Variants in TMEM117 observed in about 807,000 individuals in gnomAD.
TMEM117 encodes transmembrane protein 117.
TMEM117 carries 27 observed loss-of-function variants against 52.4 expected under a neutral mutation model. The ratio of observed to expected loss-of-function variants is 0.51; its 90% CI spans 0.38 to 0.71. The LOEUF (loss-of-function observed/expected upper bound fraction) is 0.71, where lower values mean the gene tolerates loss of function less well. Among genes scored for constraint, TMEM117 ranks in the 30% least tolerant of loss-of-function variants. TMEM117 has a pLI of 0.00. For synonymous variants in TMEM117, 215 were observed against 206.3 expected, an observed-to-expected ratio of 1.04 and a Z score of -0.36; for missense variants, 556 against 630.5, an observed-to-expected ratio of 0.88 and a Z score of 1.26.
intron 3 of TMEM117, chr12:44,010,106 T>C: frequency 2.1e-6 from 1 of 481,516 alleles, no homozygotes; most frequent in Non-Finnish European, 4.2e-6. Context: ...CATCTGGGGG[T>C]TCAAGTATGC....
intron 3 of TMEM117, among the ~76,000 whole-genome samples, chr12:43,955,641 A>G (rs1945294329): frequency 6.6e-6 from 1 of 152,228 alleles, no homozygotes; most frequent in African/African-American, 2.4e-5. Flanking sequence ...ATCAGAAAGG[A>G]CACAGGCAGA....
chr12:43,909,611 A>G (rs1227979268), intron 2 of TMEM117, among the ~76,000 whole-genome samples: 1 of 151,640 alleles, frequency 6.6e-6, no homozygotes, highest in Non-Finnish European at 1.5e-5. Flanking sequence ...CAAGACTAAT[A>G]AAGAAAAAAA....
intron 3 of TMEM117, among the ~76,000 whole-genome samples, chr12:44,087,251 G>T (rs776316848): frequency 1.3e-5 from 2 of 151,698 alleles, no homozygotes; most frequent in Non-Finnish European, 2.9e-5. Context: ...ATCAATATTC[G>T]TATTGCCCTA....
At chr12:44,311,655 A>G (rs1950976715) in intron 6 of TMEM117, among the ~76,000 whole-genome samples, 1 of 150,578 alleles carries the variant, frequency 6.6e-6, no homozygotes, top group African/African-American at 2.4e-5. Flanking sequence ...TTGCTGTATT[A>G]TACATAATGT....
At chr12:44,323,165 GCCTCCAGAAGGAAC>G (rs1951154336) in intron 6 of TMEM117, among the ~76,000 whole-genome samples, 1 of 152,152 alleles carries the variant, frequency 6.6e-6, no homozygotes, top group African/African-American at 2.4e-5. Context: ...CTTCCTTAGA[GCCTCCAGAAGGAAC>G]ACAGCCCTGT....
chr12:44,233,250 C>A (rs984853889), intron 5 of TMEM117, among the ~76,000 whole-genome samples: 1 of 151,264 alleles, frequency 6.6e-6, no homozygotes, highest in African/African-American at 2.4e-5. Flanking sequence ...CCTTTATCAG[C>A]TTAATGTTGT....
Position 44,168,252 on chromosome 12 carries a change from C to CA in TMEM117, c.510+24641dup, listed in dbSNP as rs111854378. On this transcript the variant is annotated intron_variant, in intron 4 of 7. Coordinates refer to ENST00000266534, the MANE Select transcript of TMEM117 (RefSeq NM_032256.3). The stretch of plus-strand genomic sequence containing the variant: ...TGAGCAACAGAGTGAGACCCCATCT[C>CA]AAAAAAAAAAAAAGAGAAAAATCCT... Among the ~76,000 whole-genome samples the CA allele has an allele frequency of 1.4e-3, 187 of 133,928 alleles. 1 individual carries two copies. The highest frequency in any genetic ancestry group is 0.01 in the East Asian group (46 of 4,534). The allele number at this position is 133,928 out of a possible 152,430, so 87.9% of individuals were successfully genotyped here. A position where few individuals can be genotyped will look rare whatever the true frequency, so the allele number is the denominator to read the frequency against.
chr12:43,986,001 AT>A (rs969348506), intron 3 of TMEM117, among the ~76,000 whole-genome samples: 5 of 152,056 alleles, frequency 3.3e-5, no homozygotes, highest in Non-Finnish European at 7.4e-5. Flanking sequence ...TGTTATTATT[AT>A]TTTTTTGGTC....
At chr12:43,930,912 G>A (rs1210468723) in intron 2 of TMEM117, among the ~76,000 whole-genome samples, 1 of 152,220 alleles carries the variant, frequency 6.6e-6, no homozygotes, top group South Asian at 2.1e-4. Context: ...CTGAATGGAA[G>A]AGATAGAGCT....
At chr12:44,190,163 A>ATAGCCTAATAT in intron 4 of TMEM117, among the ~76,000 whole-genome samples, 1 of 152,314 alleles carries the variant, frequency 6.6e-6, no homozygotes, top group Non-Finnish European at 1.5e-5. Context: ...CACTTTTGTA[A>ATAGCCTAATAT]TAGCCTAATA....
At chr12:44,238,465 G>GAA (rs1390235537) in intron 5 of TMEM117, among the ~76,000 whole-genome samples, 1 of 152,042 alleles carries the variant, frequency 6.6e-6, no homozygotes, top group Admixed American at 6.6e-5. Flanking sequence ...ATATCGCTAT[G>GAA]AAAAAACTCA....
intron 2 of TMEM117, among the ~76,000 whole-genome samples, chr12:43,938,623 T>C (rs745854149): frequency 8.9e-4 from 136 of 152,276 alleles, no homozygotes; most frequent in Non-Finnish European, 7.4e-4. Context: ...GATCAGGCTT[T>C]GCTTGAAGTC....
chr12:43,917,230 CAAAAAAAAAA>C (rs10602069), intron 2 of TMEM117, among the ~76,000 whole-genome samples: 1 of 102,154 alleles, frequency 9.8e-6, no homozygotes, highest in Non-Finnish European at 2.2e-5. Context: ...CTCATCTCTA[CAAAAAAAAAA>C]AAAAAAAAAA....
At chr12:44,252,487 G>T (rs1279654077) in intron 5 of TMEM117, among the ~76,000 whole-genome samples, 2 of 152,150 alleles carry the variant, frequency 1.3e-5, no homozygotes, top group Non-Finnish European at 2.9e-5. Context: ...ATGGGTCACA[G>T]AGTGAGACTC....
At chr12:44,101,215 T>C (rs1947855089) in intron 3 of TMEM117, among the ~76,000 whole-genome samples, 1 of 150,454 alleles carries the variant, frequency 6.6e-6, no homozygotes, top group South Asian at 2.1e-4. Context: ...GTTGAACATA[T>C]GTTGAACATA....
chr12:43,969,786 A>T (rs1945551063), intron 3 of TMEM117, among the ~76,000 whole-genome samples: 1 of 151,980 alleles, frequency 6.6e-6, no homozygotes, highest in East Asian at 1.9e-4. Flanking sequence ...CCCAGTCATT[A>T]TTCTCCTTAA....
At chr12:44,178,860 G>C (rs1361340408) in intron 4 of TMEM117, among the ~76,000 whole-genome samples, 1 of 152,040 alleles carries the variant, frequency 6.6e-6, no homozygotes, top group Non-Finnish European at 1.5e-5. Context: ...TATTAGTCAG[G>C]GTTCTCCAGA....
chr12:44,136,362 G>A (rs73288083), intron 3 of TMEM117, among the ~76,000 whole-genome samples: 11,801 of 152,124 alleles, frequency 0.078, 1,380 homozygotes, highest in African/African-American at 0.26. Context: ...CATATTCCTG[G>A]AGTGTTTGGG....
chr12:44,148,047 C>CA lies in TMEM117; in HGVS notation c.510+4424dup, dbSNP rs372185621. Among the ~76,000 whole-genome samples the CA allele has an allele frequency of 4.4e-3, 662 of 152,096 alleles. 6 individuals carry two copies. Among genetic ancestry groups the CA allele is most frequent in the African/African-American group, 0.015 (611 of 41,536 alleles). ...ACTGTGTGTATCAACTTCTAACAGT[C>CA]ACAGGACATTGCATGGCTTTAACAT... On this transcript the variant is annotated intron_variant, in intron 4 of 7. Coordinates refer to ENST00000266534, the MANE Select transcript of TMEM117 (RefSeq NM_032256.3).
Sources: gnomAD v4.1 joint callset for allele counts (sites outside exome capture counted in the v4.1 genomes callset) on GRCh38, gnomAD v4.1.1 for gene constraint, MANE v1.5 for transcripts, NCBI Gene and HGNC (gene_info 2026-07-23, HGNC 2026-07-21) for gene names.